Variants in UMAD1 observed in about 807,000 individuals in gnomAD.
UMAD1 encodes the protein UBAP1-MVB12-associated (UMA)-domain containing protein 1.
Under a neutral mutation model 6.1 loss-of-function variants are expected in UMAD1, and 8 were observed. The observed-to-expected ratio is 1.30, with a 90% CI of 0.76 to 2.35. The LOEUF (loss-of-function observed/expected upper bound fraction) is 2.35. UMAD1 is among the 30% of genes most tolerant of loss of function. UMAD1 has a pLI of 0.00. For synonymous variants in UMAD1, 56 were observed against 31.4 expected (o/e 1.78, Z -2.61); for missense variants, 130 against 78.4 (o/e 1.66, Z -2.49).
At chr7:7,728,514 T>G (rs528138565) in intron 2 of UMAD1, among the ~76,000 whole-genome samples, 31 of 151,930 alleles carry the variant, frequency 2.0e-4, no homozygotes, top group Non-Finnish European at 3.8e-4. Flanking sequence ...CGTGGTGGCG[T>G]GCACCTGTAG....
At chr7:7,720,481 C>T (rs1781022621) in intron 2 of UMAD1, among the ~76,000 whole-genome samples, 1 of 152,094 alleles carries the variant, frequency 6.6e-6, no homozygotes, top group African/African-American at 2.4e-5. Flanking sequence ...AACACCCAGA[C>T]TACTGTAGTA....
chr7:7,829,016 A>G (rs1466865128), intron 3 of UMAD1, among the ~76,000 whole-genome samples: 1 of 152,210 alleles, frequency 6.6e-6, no homozygotes, highest in African/African-American at 2.4e-5. Flanking sequence ...TAACATGTCT[A>G]TATAATATTG....
At chr7:7,709,944 C>T (rs1306535532) in intron 2 of UMAD1, among the ~76,000 whole-genome samples, 1 of 152,022 alleles carries the variant, frequency 6.6e-6, no homozygotes, top group African/African-American at 2.4e-5. Flanking sequence ...TTAAATTCTG[C>T]TTTTTTGGGG....
intron 1 of UMAD1, among the ~76,000 whole-genome samples, chr7:7,670,832 G>T (rs1284709696): frequency 6.6e-6 from 1 of 152,206 alleles, no homozygotes. Flanking sequence ...GTCAAAAGTT[G>T]TAGCAATTCT....
intron 1 of UMAD1, among the ~76,000 whole-genome samples, chr7:7,651,315 G>C (rs930461208): frequency 3.3e-5 from 5 of 152,164 alleles, no homozygotes; most frequent in African/African-American, 1.2e-4. Context: ...GACAAGGGTG[G>C]GCTTGGCTTG....
At chr7:7,787,825 T>C (rs1355623321) in intron 2 of UMAD1, among the ~76,000 whole-genome samples, 1 of 152,250 alleles carries the variant, frequency 6.6e-6, no homozygotes, top group African/African-American at 2.4e-5. Context: ...ATTAGGGTTA[T>C]GATTGTAGAT....
At chr7:7,814,070 G>T (rs1202801588) in intron 3 of UMAD1, among the ~76,000 whole-genome samples, 7 of 151,492 alleles carry the variant, frequency 4.6e-5, no homozygotes, top group African/African-American at 1.7e-4. Context: ...TGCAACTTCC[G>T]CCTCCCAGGT....
chr7:7,734,655 G>A (rs547925215), intron 2 of UMAD1, among the ~76,000 whole-genome samples: 17 of 152,102 alleles, frequency 1.1e-4, no homozygotes, highest in South Asian at 2.1e-4. Context: ...AAAGCCCTTC[G>A]CCATATCATG....
At chr7:7,662,642 C>T (rs1165046412) in intron 1 of UMAD1, among the ~76,000 whole-genome samples, 6 of 152,160 alleles carry the variant, frequency 3.9e-5, no homozygotes, top group Admixed American at 1.3e-4. Flanking sequence ...CCTTGGGCTG[C>T]ACCCACTGTC....
At chr7:7,792,724 A>G (rs1782592035) in intron 2 of UMAD1, among the ~76,000 whole-genome samples, 1 of 152,202 alleles carries the variant, frequency 6.6e-6, no homozygotes, top group Non-Finnish European at 1.5e-5. Context: ...CTATAACAAA[A>G]TACCATAAAC....
chr7:7,858,326 A>G (rs1180648462), intron 3 of UMAD1, among the ~76,000 whole-genome samples: 1 of 152,240 alleles, frequency 6.6e-6, no homozygotes, highest in African/African-American at 2.4e-5. Context: ...TTTTACCCTC[A>G]GGAGTGAACC....
At chr7:7,781,996 T>A (rs550397649) in intron 2 of UMAD1, among the ~76,000 whole-genome samples, 119 of 152,234 alleles carry the variant, frequency 7.8e-4, no homozygotes, top group African/African-American at 2.8e-3. Context: ...AGTCACAAAG[T>A]TAAACATAAA....
Position 7,770,349 on chromosome 7 carries a change from C to A in UMAD1, c.83-31321C>A, listed in dbSNP as rs370299680. Among the ~76,000 whole-genome samples the A allele has an allele frequency of 2.5e-4, 38 of 152,284 alleles. 1 individual carries two copies. In the South Asian group the frequency reaches 7.9e-3, roughly 32 times the overall value. Reference sequence around the variant, plus strand: ...CTGCCTAATGCTCTGGGACCTTGCTCTGTTTATCATTGACTCTCATTCCTT... The same window carrying A: ...CTGCCTAATGCTCTGGGACCTTGCTATGTTTATCATTGACTCTCATTCCTT... On this transcript the variant is annotated intron_variant, in intron 2 of 3. Coordinates refer to ENST00000682710, the MANE Select transcript of UMAD1 (RefSeq NM_001302348.2).
chr7:7,686,298 T>G (rs1257189689), intron 2 of UMAD1, among the ~76,000 whole-genome samples: 1 of 152,176 alleles, frequency 6.6e-6, no homozygotes, highest in African/African-American at 2.4e-5. Flanking sequence ...TTGGGAAGTG[T>G]GTCCAGAAAC....
intron 2 of UMAD1, among the ~76,000 whole-genome samples, chr7:7,759,491 G>A (rs1352769120): frequency 1.3e-5 from 2 of 152,120 alleles, no homozygotes; most frequent in Admixed American, 6.5e-5. Context: ...GAATTTACAA[G>A]GCCACGGGGC....
At chr7:7,742,291 C>A in intron 2 of UMAD1, 3 of 649,756 alleles carry the variant, frequency 4.6e-6, no homozygotes, top group Non-Finnish European at 8.8e-6. Context: ...CTGTCTTCTT[C>A]ATGGCCGACT....
At chr7:7,666,612 C>T (rs1009856566) in intron 1 of UMAD1, among the ~76,000 whole-genome samples, 19 of 151,802 alleles carry the variant, frequency 1.3e-4, no homozygotes, top group African/African-American at 4.6e-4. Flanking sequence ...GGTCATTTTC[C>T]TTGTGGTGGT....
intron 2 of UMAD1, among the ~76,000 whole-genome samples, chr7:7,685,196 C>G (rs1780013133): frequency 6.6e-6 from 1 of 152,048 alleles, no homozygotes; most frequent in Non-Finnish European, 1.5e-5. Flanking sequence ...AATCTTAGTA[C>G]TACAATATTC....
rs530010491 is a variant in UMAD1 at position 7,663,019 on chromosome 7, T to C, written c.-63-10290T>C. On this transcript the variant is annotated intron_variant, in intron 1 of 3. Coordinates refer to ENST00000682710, the MANE Select transcript of UMAD1 (RefSeq NM_001302348.2). Reference sequence around the variant, plus strand: ...GTGTGAGTGCTTTGAAAAAGCCTTTTTTGCCTGTAGCCCAAACTAGAAAAT... The same window carrying C: ...GTGTGAGTGCTTTGAAAAAGCCTTTCTTGCCTGTAGCCCAAACTAGAAAAT... Among the ~76,000 whole-genome samples, 33 of 152,280 alleles carry C rather than the reference T, an allele frequency of 2.2e-4. 1 individual carries two copies. In the East Asian group the frequency reaches 6.0e-3, roughly 28 times the overall value.
Sources: gnomAD v4.1 joint callset for allele counts (sites outside exome capture counted in the v4.1 genomes callset) on GRCh38, gnomAD v4.1.1 for gene constraint, MANE v1.5 for transcripts, NCBI Gene and HGNC (gene_info 2026-07-23, HGNC 2026-07-21) for gene names.